The following ENTPD1 variants were observed in gnomAD, a reference collection of about 807,000 sequenced individuals.
The protein encoded by ENTPD1 is ectonucleoside triphosphate diphosphohydrolase 1.
A neutral mutation model predicts 57.0 loss-of-function variants in ENTPD1; 33 were observed. The observed-to-expected ratio is 0.58, with a 90% CI of 0.44 to 0.77. ENTPD1 has a LOEUF of 0.77. Among genes scored for constraint, ENTPD1 ranks in the 30% least tolerant of loss-of-function variants. The probability of loss-of-function intolerance (pLI) is 0.00; values close to 1 mark genes in which losing one functional copy is unlikely to be tolerated. For missense variants in ENTPD1, 501 were observed against 603.4 expected, an observed-to-expected ratio of 0.83 and a Z score of 1.78; for synonymous variants, 202 against 218.8, an observed-to-expected ratio of 0.92 and a Z score of 0.68.
intron 7 of ENTPD1, among the ~76,000 whole-genome samples, chr10:95,859,068 GA>G (rs1212372524): frequency 2.0e-5 from 3 of 151,968 alleles, no homozygotes; most frequent in Admixed American, 1.3e-4. Context: ...GAAAGTGGAA[GA>G]AAAAAATCAA....
At chr10:95,747,014 G>T (rs73331134) in intron 1 of ENTPD1, among the ~76,000 whole-genome samples, 11,134 of 152,116 alleles carry the variant, frequency 0.073, 450 homozygotes, top group African/African-American at 0.097. Flanking sequence ...GGTTTGTAGG[G>T]ATCATAAAAA....
chr10:95,779,992 ATT>A (rs909422704), intron 1 of ENTPD1, among the ~76,000 whole-genome samples: 2 of 152,128 alleles, frequency 1.3e-5, no homozygotes, highest in African/African-American at 4.8e-5. Flanking sequence ...CCAGAGGTGT[ATT>A]GCAGACCTAA....
At chr10:95,860,339 A>G in intron 7 of ENTPD1, 130 bp from the exon 8 acceptor site, 2 of 725,846 alleles carry the variant, frequency 2.8e-6, no homozygotes, top group South Asian at 3.1e-5. Context: ...TGGGCCTGCA[A>G]TATCACTTTG....
chr10:95,736,538 G>A (rs2097994840), intron 1 of ENTPD1, among the ~76,000 whole-genome samples: 1 of 151,854 alleles, frequency 6.6e-6, no homozygotes, highest in South Asian at 2.1e-4. Flanking sequence ...GAGGATTCTT[G>A]TTCATCTTTT....
Position 95,868,495 on chromosome 10 carries a change from A to G in ENTPD1, c.*2112A>G, listed in dbSNP as rs2098476798. 1 of 985,332 alleles carries G rather than the reference A, an allele frequency of 1.0e-6. No homozygotes were observed. Among genetic ancestry groups the G allele is most frequent in the South Asian group, 4.7e-5 (1 of 21,290 alleles). The allele number at this position is 985,332 out of a possible 1,614,324, so 61.0% of individuals were successfully genotyped here. ...GCTCACAGCATAGTAGATTGACATC[A>G]AATAGTGGCCGATGATGATGAAAAT... On this transcript the variant is annotated 3_prime_UTR_variant, in exon 10 of 10. Coordinates refer to ENST00000371205, the MANE Select transcript of ENTPD1 (RefSeq NM_001776.6).
intron 1 of ENTPD1, among the ~76,000 whole-genome samples, chr10:95,774,918 G>A (rs1456235313): frequency 6.6e-6 from 1 of 152,132 alleles, no homozygotes; most frequent in Non-Finnish European, 1.5e-5. Flanking sequence ...AAATTACCTT[G>A]GGCAGTATGG....
upstream of ENTPD1, among the ~76,000 whole-genome samples, chr10:95,751,103 G>A (rs1366339581): frequency 1.3e-5 from 2 of 152,204 alleles, no homozygotes; most frequent in Non-Finnish European, 2.9e-5. Context: ...AGTGCAGGAA[G>A]CCTATAACAG....
At chr10:95,786,380 G>C (rs576260886) in intron 1 of ENTPD1, among the ~76,000 whole-genome samples, 42 of 152,298 alleles carry the variant, frequency 2.8e-4, no homozygotes, top group African/African-American at 9.9e-4. Flanking sequence ...TGAGCACAGA[G>C]ACTTCCATAT....
upstream of ENTPD1, chr10:95,755,952 A>T (rs1006385816): frequency 6.8e-6 from 10 of 1,471,240 alleles, no homozygotes; most frequent in South Asian, 1.5e-4. Flanking sequence ...ATTTGAATAT[A>T]CATTGCTTCA....
intron 1 of ENTPD1, among the ~76,000 whole-genome samples, chr10:95,717,337 G>GTTTTTTT (rs10609572): frequency 7.9e-6 from 1 of 125,954 alleles, no homozygotes. Flanking sequence ...GATCTGCAGG[G>GTTTTTTT]TTTTTTTTTT....
chr10:95,803,935 C>T (rs191643791), intron 1 of ENTPD1, among the ~76,000 whole-genome samples: 2,365 of 152,226 alleles, frequency 0.016, 64 homozygotes, highest in African/African-American at 0.055. Flanking sequence ...AGCCAGTTTT[C>T]CCAGGACCAT....
At chr10:95,778,684 A>ACAG (rs2098143775) in intron 1 of ENTPD1, among the ~76,000 whole-genome samples, 4 of 152,022 alleles carry the variant, frequency 2.6e-5, no homozygotes, top group Admixed American at 2.6e-4. Context: ...TTATTTTCTG[A>ACAG]TAGTTTATTT....
intron 1 of ENTPD1, among the ~76,000 whole-genome samples, chr10:95,784,400 C>G (rs1263580854): frequency 6.6e-6 from 1 of 152,176 alleles, no homozygotes; most frequent in Non-Finnish European, 1.5e-5. Flanking sequence ...CAGCCACTCT[C>G]TAACTGTTTG....
At chr10:95,802,042 G>A (rs1240109851) in intron 1 of ENTPD1, among the ~76,000 whole-genome samples, 1 of 152,156 alleles carries the variant, frequency 6.6e-6, no homozygotes, top group East Asian at 1.9e-4. Flanking sequence ...ACCATGGCCT[G>A]TCAGCCCTCG....
intron 1 of ENTPD1, among the ~76,000 whole-genome samples, chr10:95,735,630 C>A (rs1174523112): frequency 6.6e-6 from 1 of 151,880 alleles, no homozygotes; most frequent in Non-Finnish European, 1.5e-5. Context: ...GAGTCTCGCC[C>A]TGTTGCCCAG....
At chr10:95,716,098 T>C (rs1353274390) in intron 1 of ENTPD1, among the ~76,000 whole-genome samples, 2 of 152,214 alleles carry the variant, frequency 1.3e-5, no homozygotes, top group East Asian at 1.9e-4. Context: ...AGTCTTGGTC[T>C]CTAGCAATCC....
Position 95,791,759 on chromosome 10 carries a change from G to A in ENTPD1, c.17-31478G>A, listed in dbSNP as rs1190227354. 6.6e-6 allele frequency among the ~76,000 whole-genome samples: 1 copy of A among 152,212 alleles called. No individual in the cohort carries two copies. The highest frequency in any genetic ancestry group is 1.5e-5 in the Non-Finnish European group (1 of 68,040). ...GGGGTAGAGGTGTTAAAAGTGAACAGTGCCTGGGCCCCATGCTAGAAATTC... is the reference window on the plus strand; with the variant it reads ...GGGGTAGAGGTGTTAAAAGTGAACAATGCCTGGGCCCCATGCTAGAAATTC... On this transcript the variant is annotated intron_variant, in intron 1 of 9. Transcript: ENST00000371205. The surrounding 1 kb of genome is among the most constrained non-coding windows in gnomAD (Gnocchi z 4.1).
At chr10:95,774,177 A>G (rs1318968852) in intron 1 of ENTPD1, among the ~76,000 whole-genome samples, 1 of 151,010 alleles carries the variant, frequency 6.6e-6, no homozygotes, top group Non-Finnish European at 1.5e-5. Flanking sequence ...TTTTCGATGG[A>G]GTTGTTTTTT....
intron 1 of ENTPD1, among the ~76,000 whole-genome samples, chr10:95,815,904 G>C (rs2098328468): frequency 6.6e-6 from 1 of 152,178 alleles, no homozygotes. Flanking sequence ...GTGATCCTAG[G>C]ACTTTATAGG....
Sources: allele counts gnomAD v4.1 joint callset (sites outside exome capture counted in the v4.1 genomes callset), GRCh38; gene constraint gnomAD v4.1.1; non-coding constraint Gnocchi (gnomAD v3.1); transcripts MANE v1.5; gene names NCBI Gene and HGNC (gene_info 2026-07-23, HGNC 2026-07-21).